Variants in STX5 observed in about 807,000 individuals in gnomAD.
STX5 encodes syntaxin-5.
In STX5, 15 loss-of-function variants were observed where a neutral mutation model predicts 42.9. The observed-to-expected ratio is 0.35, with a 90% CI of 0.23 to 0.54. The LOEUF is 0.54. STX5 is among the 20% of genes least tolerant of loss of function. STX5 has a pLI of 0.91. For missense variants in STX5, 430 were observed against 455.0 expected (o/e 0.95, Z 0.50); for synonymous variants, 184 against 173.2 (o/e 1.06, Z -0.49).
chr11:62,807,405 A>C lies in STX5; in HGVS notation c.*64T>G. 4 of 1,581,924 alleles carry C rather than the reference A, an allele frequency of 2.5e-6. No individual in the cohort carries two copies. The highest frequency in any genetic ancestry group is 3.4e-6 in the Non-Finnish European group (4 of 1,162,114). Reference sequence around the variant, plus strand: ...TACCCTGCACAGGCTCAGTGGCAGCACTGGCCACTTGCCTTCCCAGGAGGG... The same window carrying C: ...TACCCTGCACAGGCTCAGTGGCAGCCCTGGCCACTTGCCTTCCCAGGAGGG... On this transcript the variant is annotated 3_prime_UTR_variant, in exon 11 of 11. Transcript: ENST00000294179.
intron 2 of STX5, among the ~76,000 whole-genome samples, chr11:62,830,086 A>AGT: frequency 6.8e-6 from 1 of 146,334 alleles, no homozygotes; most frequent in Non-Finnish European, 1.5e-5. Context: ...AAAAAAAAAA[A>AGT]GAGAGAGAGG....
chr11:62,807,350 G>C lies in STX5; in HGVS notation c.*119C>G. 1 of 1,445,274 alleles carries C rather than the reference G, an allele frequency of 6.9e-7. No individual in the cohort carries two copies. The allele number at this position is 1,445,274 out of a possible 1,614,324, so 89.5% of individuals were successfully genotyped here. The stretch of plus-strand genomic sequence containing the variant: ...TCAGGGGCAGTGGTCATTCTTAGCA[G>C]TTCCAGGGAAACAGGGCCTTTCTCC... On this transcript the variant is annotated 3_prime_UTR_variant, in exon 11 of 11. Coordinates refer to ENST00000294179, the MANE Select transcript of STX5 (RefSeq NM_003164.5).
chr11:62,831,111 C>G lies in STX5; in HGVS notation c.133G>C (p.Val45Leu). The change falls in exon 2 of 11, where the codon GTG (valine) becomes CTG (leucine). Residue 45 changes from valine (V) to leucine (L), a missense_variant. Coordinates refer to ENST00000294179, the MANE Select transcript of STX5 (RefSeq NM_003164.5). ...TCGGGAGGGGGAGGGACGAGGGTCACTGGGGGGGGCAGAGGGGCGATGTCG... is the reference window on the plus strand; with the variant it reads ...TCGGGAGGGGGAGGGACGAGGGTCAGTGGGGGGGGCAGAGGGGCGATGTCG... ...SSDIAPLPPPVTLVPPPPDTM... is the reference protein window; with the variant it reads ...SSDIAPLPPPLTLVPPPPDTM... The G allele has an allele frequency of 6.5e-7, 1 of 1,548,896 alleles. No homozygotes were observed. The highest frequency in any genetic ancestry group is 2.4e-5 in the East Asian group (1 of 41,804).
chr11:62,807,263 T>G lies in STX5; in HGVS notation c.*206A>C. 2.5e-5 allele frequency: 16 copies of G among 640,904 alleles called. No homozygotes were observed. Among genetic ancestry groups the G allele is most frequent in the Non-Finnish European group, 4.0e-5 (16 of 399,712 alleles). The allele number at this position is 640,904 out of a possible 1,614,324, so 39.7% of individuals were successfully genotyped here. A position where few individuals can be genotyped will look rare whatever the true frequency, so the allele number is the denominator to read the frequency against. On this transcript the variant is annotated 3_prime_UTR_variant, in exon 11 of 11. Transcript: ENST00000294179. Reference sequence around the variant, plus strand: ...CAGAGTTCAAATCTAGAACCCTGTGTGTTTCATAGGCCTGAGGGTGGTGGG... The same window carrying G: ...CAGAGTTCAAATCTAGAACCCTGTGGGTTTCATAGGCCTGAGGGTGGTGGG...
intron 10 of STX5, among the ~76,000 whole-genome samples, chr11:62,815,485 T>C (rs901717553): frequency 1.3e-5 from 2 of 151,720 alleles, no homozygotes; most frequent in African/African-American, 4.8e-5. Context: ...CACTGAATAA[T>C]ACATAATATT....
chr11:62,824,979 C>T, intron 8 of STX5, 57 bp downstream of exon 8: 1 of 1,576,624 alleles, frequency 6.3e-7, no homozygotes, highest in African/African-American at 1.3e-5. Context: ...AGGATGCCAT[C>T]ACAACCAGAG....
intron 10 of STX5, among the ~76,000 whole-genome samples, chr11:62,819,249 A>AAAAT (rs2084711682): frequency 7.5e-6 from 1 of 132,588 alleles, no homozygotes; most frequent in Non-Finnish European, 1.7e-5. Flanking sequence ...AAAAAAAAAA[A>AAAAT]AAAAAAAGAA....
chr11:62,827,011 C>T, intron 5 of STX5, 144 bp downstream of exon 5: 1 of 694,158 alleles, frequency 1.4e-6, no homozygotes, highest in South Asian at 1.9e-5. Flanking sequence ...GGTCACACCA[C>T]TACACTCCAG....
At chr11:62,823,185 T>C (rs2084759001) in intron 10 of STX5, among the ~76,000 whole-genome samples, 1 of 152,020 alleles carries the variant, frequency 6.6e-6, no homozygotes, top group Non-Finnish European at 1.5e-5. Flanking sequence ...ACTTTCTTTT[T>C]TTTTTTTGAG....
chr11:62,824,639 A>C (rs1466205975), intron 8 of STX5, 74 bp from the exon 9 acceptor site: 1 of 1,429,146 alleles, frequency 7.0e-7, no homozygotes, highest in Admixed American at 1.8e-5. Context: ...TCTGGGTTTG[A>C]ATCCCAGCTC....
chr11:62,812,172 G>C (rs1327702650), intron 10 of STX5, among the ~76,000 whole-genome samples: 1 of 150,366 alleles, frequency 6.7e-6, no homozygotes, highest in East Asian at 2.0e-4. Flanking sequence ...CCGCCTCCCG[G>C]GTTCAAACCA....
At chr11:62,831,367 G>A in intron 1 of STX5, 105 bp from the exon 2 acceptor site, 3 of 866,000 alleles carry the variant, frequency 3.5e-6, no homozygotes, top group East Asian at 2.6e-5. Flanking sequence ...ACTTCTCGTG[G>A]ACTTTCGCGC....
In STX5 at chr11:62,824,694, T is replaced by C. The variant is rs1319501683; in HGVS notation, c.680-129A>G. Reference sequence around the variant, plus strand: ...GACCCTGGACAGGTCATTTAACCTCTCTGAGCCTCAGTTTCCTCACCTGTA... The same window carrying C: ...GACCCTGGACAGGTCATTTAACCTCCCTGAGCCTCAGTTTCCTCACCTGTA... On this transcript the variant is annotated intron_variant, in intron 8 of 10. Coordinates refer to ENST00000294179, the MANE Select transcript of STX5 (RefSeq NM_003164.5). 43 of 827,274 alleles carry C rather than the reference T, an allele frequency of 5.2e-5. 1 individual carries two copies. The South Asian group carries it at 6.2e-4, about 12-fold the overall frequency. 51.2% of individuals were successfully genotyped at this position (827,274 alleles called of 1,614,324 possible).
At chr11:62,812,999 C>G (rs1330469435) in intron 10 of STX5, among the ~76,000 whole-genome samples, 2 of 150,606 alleles carry the variant, frequency 1.3e-5, no homozygotes, top group Non-Finnish European at 2.9e-5. Context: ...GTAGTCCCAG[C>G]TACTTGGGAG....
intron 2 of STX5, among the ~76,000 whole-genome samples, chr11:62,830,109 C>T (rs1005216237): frequency 4.0e-5 from 6 of 149,944 alleles, no homozygotes; most frequent in African/African-American, 1.5e-4. Flanking sequence ...GAGACTGGGC[C>T]TCGCTCAGCC....
chr11:62,815,698 A>G (rs2084666157), intron 10 of STX5, among the ~76,000 whole-genome samples: 1 of 151,886 alleles, frequency 6.6e-6, no homozygotes, highest in African/African-American at 2.4e-5. Context: ...CACTATGCCC[A>G]GCTGATTTTT....
chr11:62,823,502 CT>C (rs1056663610), intron 10 of STX5, among the ~76,000 whole-genome samples: 11 of 151,894 alleles, frequency 7.2e-5, no homozygotes, highest in Non-Finnish European at 4.4e-5. Flanking sequence ...TATTTTAACT[CT>C]GTATACAGCC....
intron 10 of STX5, chr11:62,816,003 G>A (rs1305863655): frequency 6.6e-6 from 1 of 152,054 alleles, no homozygotes; most frequent in East Asian, 1.9e-4. Context: ...TGCCATCCAT[G>A]TGCAGAGGCC....
Position 62,827,631 on chromosome 11 carries a change from T to C in STX5, c.226A>G (p.Asn76Asp). The change falls in exon 3 of 11, where the codon AAT becomes GAT. Residue 76 changes from asparagine (N) to aspartate (D), a missense_variant and splice_region_variant. Coordinates refer to ENST00000294179, the MANE Select transcript of STX5 (RefSeq NM_003164.5). The stretch of plus-strand genomic sequence containing the variant: ...GCTGGCTTATTTGTCTGGATTCCAT[T>C]CTGAAAAGCAATGGCAGGAGGTGAC... ...SACKSLQTRQ[N>D]GIQTNKPALR... The C allele has an allele frequency of 6.2e-7, 1 of 1,614,202 alleles. No homozygotes were observed. Among genetic ancestry groups the C allele is most frequent in the South Asian group, 1.1e-5 (1 of 91,086 alleles).
Sources: gnomAD v4.1 joint callset for allele counts (sites outside exome capture counted in the v4.1 genomes callset) on GRCh38, gnomAD v4.1.1 for gene constraint, MANE v1.5 for transcripts, NCBI Gene and HGNC (gene_info 2026-07-23, HGNC 2026-07-21) for gene names.